Variants in COL5A2 observed in about 807,000 individuals in gnomAD.
COL5A2 encodes the protein collagen alpha-2(V) chain.
COL5A2 carries 23 observed loss-of-function variants against 208.2 expected under a neutral mutation model. That is an observed-to-expected ratio of 0.11 (90% CI 0.08 to 0.16). COL5A2 has a LOEUF of 0.16. Among genes scored for constraint, COL5A2 ranks in the 10% least tolerant of loss-of-function variants. The pLI is 1.00. For synonymous variants in COL5A2, 625 were observed against 628.5 expected (o/e 0.99, Z 0.08); for missense variants, 1,590 against 1,956.4 (o/e 0.81, Z 3.53).
At chr2:189,213,030 A>T (rs902965953) in intron 1 of COL5A2, among the ~76,000 whole-genome samples, 1 of 151,902 alleles carries the variant, frequency 6.6e-6, no homozygotes, top group Non-Finnish European at 1.5e-5. Flanking sequence ...CTGGGACTAC[A>T]GGCGCATGTC....
the COL5A2 span, among the ~76,000 whole-genome samples, chr2:189,358,471 C>T: frequency 2.0e-5 from 3 of 152,256 alleles, no homozygotes; most frequent in South Asian, 2.1e-4. Context: ...GTTTGGGTTG[C>T]TATAGCCTTG....
At chr2:189,405,274 C>T in the COL5A2 span, among the ~76,000 whole-genome samples, 1 of 151,884 alleles carries the variant, frequency 6.6e-6, no homozygotes, top group Non-Finnish European at 1.5e-5. Flanking sequence ...CTCTGTCACC[C>T]AGGCTGGAGT....
At chr2:189,213,710 G>A (rs1347538889) in intron 1 of COL5A2, among the ~76,000 whole-genome samples, 1 of 152,194 alleles carries the variant, frequency 6.6e-6, no homozygotes, top group Non-Finnish European at 1.5e-5. Flanking sequence ...AATCATGAGC[G>A]AGAGTGAACC....
At chr2:189,348,450 T>A in the COL5A2 span, among the ~76,000 whole-genome samples, 15 of 152,278 alleles carry the variant, frequency 9.9e-5, no homozygotes, top group East Asian at 2.9e-3. Flanking sequence ...AATTAAGAGT[T>A]CTGGCTAGTA....
At chr2:189,435,793 G>A in the COL5A2 span, among the ~76,000 whole-genome samples, 1 of 152,156 alleles carries the variant, frequency 6.6e-6, no homozygotes, top group African/African-American at 2.4e-5. Flanking sequence ...TCTAGAACTA[G>A]AAATACCATT....
the COL5A2 span, among the ~76,000 whole-genome samples, chr2:189,430,248 T>G: frequency 6.6e-6 from 1 of 152,150 alleles, no homozygotes; most frequent in African/African-American, 2.4e-5. Flanking sequence ...CTATTCACAG[T>G]TGAGTTGAGA....
At chr2:189,223,593 G>A (rs1429314252) in intron 1 of COL5A2, among the ~76,000 whole-genome samples, 2 of 152,100 alleles carry the variant, frequency 1.3e-5, no homozygotes, top group Non-Finnish European at 2.9e-5. Flanking sequence ...CAACATCGTG[G>A]ATAAATAAAT....
the COL5A2 span, among the ~76,000 whole-genome samples, chr2:189,350,420 A>G: frequency 2.6e-5 from 4 of 152,178 alleles, no homozygotes; most frequent in African/African-American, 9.7e-5. Flanking sequence ...TATATAAGAA[A>G]GCTCTAAAAA....
intron 1 of COL5A2, among the ~76,000 whole-genome samples, chr2:189,193,506 T>C (rs570392780): frequency 1.2e-4 from 19 of 152,312 alleles, no homozygotes; most frequent in African/African-American, 4.3e-4. Flanking sequence ...AAAATGACAT[T>C]TGTTGATCCT....
At chr2:189,349,460 T>A in the COL5A2 span, among the ~76,000 whole-genome samples, 1 of 152,162 alleles carries the variant, frequency 6.6e-6, no homozygotes, top group African/African-American at 2.4e-5. Context: ...GTGTATTGAC[T>A]CAATCTGGAA....
chr2:189,293,265 G>GA, the COL5A2 span, among the ~76,000 whole-genome samples: 76 of 150,242 alleles, frequency 5.1e-4, no homozygotes, highest in Middle Eastern at 3.4e-3. Flanking sequence ...AATAATAAAA[G>GA]AAAAAAAAAG....
intron 1 of COL5A2, among the ~76,000 whole-genome samples, chr2:189,215,678 G>C (rs898113409): frequency 2.0e-5 from 3 of 151,900 alleles, no homozygotes; most frequent in African/African-American, 7.2e-5. Context: ...GACATATACA[G>C]TGTTAAATTC....
In COL5A2 at chr2:189,058,855, T is replaced by C. The variant is rs780085850; in HGVS notation, c.2124A>G (p.Gly708=). The change falls in exon 32 of 54, where the codon GGA becomes GGG. Residue 708 remains glycine, a synonymous_variant. Coordinates refer to ENST00000374866, the MANE Select transcript of COL5A2 (RefSeq NM_000393.5). ...TGAAGATTAAAATACTTACTCTAGG[T>C]CCTAACGGGCCAACTGCTCCGGGAT... ...PGDPGAVGPL[G]PRGERGNPGE... 1 of 1,613,572 alleles carries C rather than the reference T, an allele frequency of 6.2e-7. No homozygotes were observed. The highest frequency in any genetic ancestry group is 1.3e-5 in the African/African-American group (1 of 74,956).
chr2:189,138,960 C>T (rs1282619910), intron 1 of COL5A2, among the ~76,000 whole-genome samples: 1 of 151,996 alleles, frequency 6.6e-6, no homozygotes, highest in Non-Finnish European at 1.5e-5. Context: ...ATGTAGCTAC[C>T]CCACCCTTTA....
At chr2:189,280,591 T>G in the COL5A2 span, among the ~76,000 whole-genome samples, 1 of 152,168 alleles carries the variant, frequency 6.6e-6, no homozygotes, top group Admixed American at 6.6e-5. Context: ...TTTCAGAGAA[T>G]TTTCTAATTC....
At chr2:189,167,020 T>C (rs141083887) in intron 1 of COL5A2, among the ~76,000 whole-genome samples, 1,598 of 152,294 alleles carry the variant, frequency 0.01, 24 homozygotes, top group South Asian at 0.036. Flanking sequence ...TGCAAAACAC[T>C]GGAAAGGCAA....
At chr2:189,068,340 G>T in intron 19 of COL5A2, 70 bp from the exon 20 acceptor site, 1 of 1,270,926 alleles carries the variant, frequency 7.9e-7, no homozygotes, top group Non-Finnish European at 1.2e-6. Context: ...CTAGTATACA[G>T]ATGTCCAGCC....
intron 1 of COL5A2, among the ~76,000 whole-genome samples, chr2:189,122,279 T>C (rs1213786842): frequency 2.6e-5 from 4 of 152,148 alleles, no homozygotes; most frequent in Admixed American, 1.3e-4. Context: ...GCTGAAATTA[T>C]CTGAGAAAGG....
chr2:189,044,516 T>A (rs1685623363), intron 47 of COL5A2, among the ~76,000 whole-genome samples: 1 of 152,126 alleles, frequency 6.6e-6, no homozygotes, highest in African/African-American at 2.4e-5. Flanking sequence ...CTATAACTGC[T>A]CAAAACACTG....
Sources: allele counts gnomAD v4.1 joint callset (sites outside exome capture counted in the v4.1 genomes callset), GRCh38; gene constraint gnomAD v4.1.1; transcripts MANE v1.5; gene names NCBI Gene and HGNC (gene_info 2026-07-23, HGNC 2026-07-21).